HIF1A: variants seen among roughly 807,000 people sequenced by gnomAD.
HIF1A encodes the protein hypoxia-inducible factor 1-alpha.
A neutral mutation model predicts 92.7 loss-of-function variants in HIF1A; 24 were observed. That is an observed-to-expected ratio of 0.26 (90% CI 0.19 to 0.36). HIF1A has a LOEUF of 0.36. Ranked by LOEUF, HIF1A falls within the 10% of genes least tolerant of loss-of-function variation. HIF1A has a pLI of 1.00. For synonymous variants in HIF1A, 319 were observed against 338.7 expected, an observed-to-expected ratio of 0.94 and a Z score of 0.64; for missense variants, 799 against 998.5, an observed-to-expected ratio of 0.80 and a Z score of 2.69.
chr14:61,734,305 A>G lies in HIF1A; in HGVS notation c.1028+20A>G. 1 of 1,579,444 alleles carries G rather than the reference A, an allele frequency of 6.3e-7. No homozygotes were observed. The highest frequency in any genetic ancestry group is 8.6e-7 in the Non-Finnish European group (1 of 1,156,504). ...TGTGAGGTAAGTAAGTTTGAGAAATAAACATTTTTGGGGAACAAATAGTAA... is the reference window on the plus strand; with the variant it reads ...TGTGAGGTAAGTAAGTTTGAGAAATGAACATTTTTGGGGAACAAATAGTAA... On this transcript the variant is annotated intron_variant, in intron 8 of 14. Transcript: ENST00000337138.
At chr14:61,702,626 TA>T (rs1381459586) in intron 1 of HIF1A, among the ~76,000 whole-genome samples, 2 of 152,192 alleles carry the variant, frequency 1.3e-5, no homozygotes, top group Non-Finnish European at 2.9e-5. Flanking sequence ...GAGCATTGAT[TA>T]TTCTCTTTGC....
intron 9 of HIF1A, 114 bp downstream of exon 9, chr14:61,737,223 T>C: frequency 1.5e-6 from 1 of 686,764 alleles, no homozygotes; most frequent in South Asian, 2.0e-5. Flanking sequence ...TACAAGCTAA[T>C]ATATGTTTAT....
At chr14:61,721,683 C>A (rs545819774) in intron 3 of HIF1A, 29 bp downstream of exon 3, 2 of 1,607,458 alleles carry the variant, frequency 1.2e-6, no homozygotes, top group Non-Finnish European at 1.7e-6. Context: ...AAGAGCTCTT[C>A]TATATGTTTT....
intron 1 of HIF1A, among the ~76,000 whole-genome samples, chr14:61,712,498 T>C (rs953120782): frequency 6.6e-6 from 1 of 150,764 alleles, no homozygotes; most frequent in Non-Finnish European, 1.5e-5. Context: ...AGGATTATTC[T>C]AGTTGCTGTT....
intron 12 of HIF1A, among the ~76,000 whole-genome samples, chr14:61,744,153 ACT>A (rs1257332095): frequency 6.6e-6 from 1 of 152,154 alleles, no homozygotes; most frequent in East Asian, 1.9e-4. Context: ...AACTGTTTTG[ACT>A]CTACAATAGT....
In HIF1A at chr14:61,695,676, T is replaced by G. The variant is rs1290178977; in HGVS notation, c.-129T>G. 1 of 982,918 alleles carries G rather than the reference T, an allele frequency of 1.0e-6. No homozygotes were observed. Among genetic ancestry groups the G allele is most frequent in the African/African-American group, 1.7e-5 (1 of 59,982 alleles). The allele number at this position is 982,918 out of a possible 1,614,324, so 60.9% of individuals were successfully genotyped here. A position where few individuals can be genotyped will look rare whatever the true frequency, so the allele number is the denominator to read the frequency against. On this transcript the variant is annotated 5_prime_UTR_variant, in exon 1 of 15. Coordinates refer to ENST00000337138, the MANE Select transcript of HIF1A (RefSeq NM_001530.4). ...CTTCTCTCTAGTCTCACGAGGGGTT[T>G]CCCGCCTCGCACCCCCACCTCTGGA...
intron 14 of HIF1A, among the ~76,000 whole-genome samples, chr14:61,746,651 T>A (rs771763979): frequency 6.6e-6 from 1 of 152,194 alleles, no homozygotes; most frequent in East Asian, 1.9e-4. Flanking sequence ...TGCCTCAGCC[T>A]GTGCTAGGAT....
At chr14:61,706,367 T>G (rs1181977998) in intron 1 of HIF1A, among the ~76,000 whole-genome samples, 4 of 152,182 alleles carry the variant, frequency 2.6e-5, no homozygotes, top group African/African-American at 9.7e-5. Flanking sequence ...ATCTTTGAAC[T>G]CTACTCATGC....
rs779598237 is a variant in HIF1A at position 61,741,088 on chromosome 14, C to T, written c.1993C>T (p.Arg665Trp). The T allele has an allele frequency of 1.4e-5, 22 of 1,613,726 alleles. No individual in the cohort carries two copies. Among genetic ancestry groups the T allele is most frequent in the Admixed American group, 5.0e-5 (3 of 59,998 alleles). ...TSSPYRDTQS[R>W]TASPNRAGKG... ...ATCACCATATAGAGATACTCAAAGT[C>T]GGACAGCCTCACCAAACAGAGCAGG... Residue 665 changes from arginine to tryptophan, a missense_variant, in exon 12 of 15, where the codon CGG (arginine) becomes TGG (tryptophan). By Grantham distance (101) the Arg-to-Trp change is moderately radical. Transcript: ENST00000337138.
chr14:61,716,708 T>C (rs17834635), intron 1 of HIF1A, among the ~76,000 whole-genome samples: 5,183 of 152,304 alleles, frequency 0.034, 110 homozygotes, highest in Non-Finnish European at 0.056. Flanking sequence ...ATTCATGAAC[T>C]TTGTACACAA....
At chr14:61,731,428 C>G (rs2044574215) in intron 6 of HIF1A, among the ~76,000 whole-genome samples, 1 of 152,152 alleles carries the variant, frequency 6.6e-6, no homozygotes, top group Non-Finnish European at 1.5e-5. Context: ...TGCCAGCGAG[C>G]TAGATAGGGT....
chr14:61,746,395 T>TTC (rs1425184455), intron 14 of HIF1A, among the ~76,000 whole-genome samples: 1,309 of 59,506 alleles, frequency 0.022, 110 homozygotes, highest in Non-Finnish European at 0.037. Context: ...ATGACTTCTT[T>TTC]TTTTTTTTTT....
In HIF1A at chr14:61,708,419, C is replaced by G. The variant is rs1000895351; in HGVS notation, c.36-11963C>G. Among the ~76,000 whole-genome samples the G allele has an allele frequency of 2.2e-4, 34 of 152,218 alleles. No homozygotes were observed. In the East Asian group the frequency reaches 2.3e-3, roughly 10 times the overall value. On this transcript the variant is annotated intron_variant, in intron 1 of 14. Coordinates refer to ENST00000337138, the MANE Select transcript of HIF1A (RefSeq NM_001530.4). ...ATGGTATTGCCTAGGTTTTATTCTA[C>G]GGTTTTTATGGTTTTAGGTCTAACA...
chr14:61,710,312 C>A (rs1311850388), intron 1 of HIF1A, among the ~76,000 whole-genome samples: 1 of 152,102 alleles, frequency 6.6e-6, no homozygotes, highest in Non-Finnish European at 1.5e-5. Flanking sequence ...TAACAACAAG[C>A]AATGTAAAAA....
At chr14:61,735,993 CTTTTTT>C (rs10658676) in intron 8 of HIF1A, among the ~76,000 whole-genome samples, 13 of 144,216 alleles carry the variant, frequency 9.0e-5, no homozygotes, top group Admixed American at 4.8e-4. Context: ...TTCTTTTTTT[CTTTTTT>C]TTTTTTGAGA....
intron 4 of HIF1A, among the ~76,000 whole-genome samples, chr14:61,723,004 G>C (rs904160361): frequency 1.3e-5 from 2 of 152,142 alleles, no homozygotes; most frequent in African/African-American, 4.8e-5. Flanking sequence ...CCACATTTGT[G>C]CCTTCTTAAG....
intron 6 of HIF1A, among the ~76,000 whole-genome samples, chr14:61,729,842 A>G (rs186706827): frequency 9.2e-5 from 14 of 152,286 alleles, no homozygotes; most frequent in South Asian, 2.1e-4. Context: ...GCCAGCTCAT[A>G]TATCAACCAA....
chr14:61,732,830 G>A (rs2044592752), intron 7 of HIF1A, among the ~76,000 whole-genome samples: 1 of 152,126 alleles, frequency 6.6e-6, no homozygotes, highest in Admixed American at 6.6e-5. Context: ...TCAGAACAGT[G>A]GTTGGTATGT....
intron 1 of HIF1A, among the ~76,000 whole-genome samples, chr14:61,696,779 ACT>A (rs1384565200): frequency 1.3e-5 from 2 of 152,234 alleles, no homozygotes; most frequent in Non-Finnish European, 2.9e-5. Flanking sequence ...AAATTTTCGA[ACT>A]CTGTCTCATT....
Sources: allele counts gnomAD v4.1 joint callset (sites outside exome capture counted in the v4.1 genomes callset), GRCh38; gene constraint gnomAD v4.1.1; transcripts MANE v1.5; gene names NCBI Gene and HGNC (gene_info 2026-07-23, HGNC 2026-07-21).